The following IDUA variants were observed in gnomAD, a reference collection of about 807,000 sequenced individuals.
The protein encoded by IDUA is alpha-L-iduronidase.
Under a neutral mutation model 68.9 loss-of-function variants are expected in IDUA, and 65 were observed. That is an observed-to-expected ratio of 0.94 (90% confidence interval 0.77 to 1.16). The LOEUF is 1.16. IDUA is among the 50% of genes most tolerant of loss of function. The probability of loss-of-function intolerance (pLI) is 0.00; values close to 1 mark genes in which losing one functional copy is unlikely to be tolerated. For missense variants in IDUA, 1,046 were observed against 938.0 expected, an observed-to-expected ratio of 1.12 and a Z score of -1.50; for synonymous variants, 529 against 433.6, an observed-to-expected ratio of 1.22 and a Z score of -2.73.
At chr4:993,488 TG>T in intron 2 of IDUA, 1 of 152,274 alleles carries the variant, frequency 6.6e-6, no homozygotes, top group South Asian at 2.1e-4. Flanking sequence ...TGCTGAGTCA[TG>T]GGTTTCTCCA....
intron 1 of IDUA, chr4:987,575 T>C: frequency 7.3e-7 from 1 of 1,373,796 alleles, no homozygotes; most frequent in Non-Finnish European, 9.6e-7. Context: ...CCCGCCTTCC[T>C]GGCAGGGCCA....
chr4:998,233 G>A (rs1042287488), intron 2 of IDUA, among the ~76,000 whole-genome samples: 5 of 152,154 alleles, frequency 3.3e-5, no homozygotes, highest in Admixed American at 2.0e-4. Flanking sequence ...GAGGCGGGGC[G>A]GAGCAGGAGC....
intron 2 of IDUA, chr4:988,991 T>TGCAGCAGGCTA: frequency 4.4e-6 from 7 of 1,593,130 alleles, no homozygotes; most frequent in Non-Finnish European, 6.0e-6. Flanking sequence ...ACAGGCGGGC[T>TGCAGCAGGCTA]GCAGCAGGCT....
chr4:1,000,097 C>T (rs1180744313), intron 2 of IDUA: 2 of 180,860 alleles, frequency 1.1e-5, no homozygotes, highest in African/African-American at 2.4e-5. Context: ...CCCCTTCACC[C>T]TTGACGACGC....
At position 1,001,428 on chromosome 4, in the gene IDUA, G is replaced by A; in HGVS notation, c.494-40G>A. 3 of 1,559,512 alleles carry A rather than the reference G, an allele frequency of 1.9e-6. No individual in the cohort carries two copies. In the South Asian group the frequency reaches 3.3e-5, roughly 17 times the overall value. On this transcript the variant is annotated intron_variant, in intron 4 of 13. Coordinates refer to ENST00000514224, the MANE Select transcript of IDUA (RefSeq NM_000203.5). ...CCCTCCGTGGGAGTCACTGAGGCGA[G>A]ATTCACCTGTGCTGGGGGGACAGCA...
At position 1,003,198 on chromosome 4, in the gene IDUA, G is replaced by T. The variant is rs188458034; in HGVS notation, c.1524+41G>T. On this transcript the variant is annotated intron_variant, in intron 10 of 13. Coordinates refer to ENST00000514224, the MANE Select transcript of IDUA (RefSeq NM_000203.5). ...AGGGGCGAGGGGCCGGGCCGGGCCG[G>T]GGTCCCGGGGGGGTGGGGTCCGGGG... 173,826 of 1,300,228 alleles carry T rather than the reference G, an allele frequency of 0.13. 12,431 individuals are homozygous for T. Among genetic ancestry groups the T allele is most frequent in the South Asian group, 0.22 (9,426 of 43,662 alleles). 80.5% of individuals were successfully genotyped at this position (1,300,228 alleles called of 1,614,324 possible).
At chr4:997,157 C>G (rs1373837564) in intron 2 of IDUA, among the ~76,000 whole-genome samples, 1 of 152,190 alleles carries the variant, frequency 6.6e-6, no homozygotes, top group Non-Finnish European at 1.5e-5. Flanking sequence ...AGTTTATTCC[C>G]AGAGACCCTC....
chr4:990,852 G>A, intron 2 of IDUA: 2 of 477,688 alleles, frequency 4.2e-6, no homozygotes, highest in Non-Finnish European at 3.7e-6. Flanking sequence ...CAGCACCACT[G>A]AGCCACAGCC....
At chr4:996,764 G>T (rs1714763772) in intron 2 of IDUA, among the ~76,000 whole-genome samples, 2 of 152,172 alleles carry the variant, frequency 1.3e-5, no homozygotes, top group African/African-American at 4.8e-5. Flanking sequence ...GGCAGTGGCT[G>T]GTGCTGTCCT....
At position 991,673 on chromosome 4, in the gene IDUA, C is replaced by T. The variant is rs1431983363; in HGVS notation, c.299+3724C>T. ...CGTCGGACCGGCACCGGCCCTCTGCCCTGCTGCAGAGGCTCAGGGGACTCG... is the reference window on the plus strand; with the variant it reads ...CGTCGGACCGGCACCGGCCCTCTGCTCTGCTGCAGAGGCTCAGGGGACTCG... On this transcript the variant is annotated intron_variant, in intron 2 of 13. Coordinates refer to ENST00000514224, the MANE Select transcript of IDUA (RefSeq NM_000203.5). 3.3e-6 allele frequency: 5 copies of T among 1,535,660 alleles called. No homozygotes were observed. The highest frequency in any genetic ancestry group is 4.4e-6 in the Non-Finnish European group (5 of 1,147,512).
chr4:1,001,563 G>A lies in IDUA; in HGVS notation c.589G>A (p.Gly197Ser), dbSNP rs2153021926. The change falls in exon 5 of 14, where the codon GGC becomes AGC. Residue 197 changes from glycine (G) to serine (S), a missense_variant and splice_region_variant. Physicochemically the swap from Gly to Ser is moderately conservative, Grantham distance 56. Transcript: ENST00000514224. Reference sequence around the variant, plus strand: ...TGACAACGTCTCCATGACCATGCAAGGTGTGCACCGCTTCCTGGGGTCCTG... The same window carrying A: ...TGACAACGTCTCCATGACCATGCAAAGTGTGCACCGCTTCCTGGGGTCCTG... The part of the protein sequence containing the change: ...DFDNVSMTMQ[G>S]FLNYYDACSE... The A allele has an allele frequency of 1.2e-6, 2 of 1,613,050 alleles. No individual in the cohort carries two copies. Among genetic ancestry groups the A allele is most frequent in the East Asian group, 2.2e-5 (1 of 44,888 alleles).
chr4:989,502 G>A (rs749610435), intron 2 of IDUA: 17 of 1,553,232 alleles, frequency 1.1e-5, no homozygotes, highest in Non-Finnish European at 1.5e-5. Flanking sequence ...GCATACAGGT[G>A]GCCGCGGTGC....
At chr4:998,010 C>A (rs1057106158) in intron 2 of IDUA, among the ~76,000 whole-genome samples, 3 of 152,258 alleles carry the variant, frequency 2.0e-5, no homozygotes, top group Non-Finnish European at 4.4e-5. Context: ...GTCACCGTGC[C>A]CCGCTACTCC....
chr4:1,003,885 G>A (rs962593074), intron 12 of IDUA, 127 bp from the exon 13 acceptor site: 22 of 895,498 alleles, frequency 2.5e-5, no homozygotes, highest in Non-Finnish European at 4.0e-5. Context: ...GAGTGCCCAG[G>A]GGCTGGGGAG....
At position 1,002,002 on chromosome 4, in the gene IDUA, C is replaced by T. The variant is rs569215528; in HGVS notation, c.813C>T (p.Ser271=). ...CGCAGGGTGCGCGCAGCTCCATCTCCATCCTGGAGCAGGAGAAGGTCGTCG... is the reference window on the plus strand; with the variant it reads ...CGCAGGGTGCGCGCAGCTCCATCTCTATCCTGGAGCAGGAGAAGGTCGTCG... The part of the protein sequence containing the change: ...LHRKGARSSI[S]ILEQEKVVAQ... Residue 271 remains serine, a synonymous_variant, in exon 7 of 14, where the codon TCC becomes TCT. Transcript: ENST00000514224. 6.9e-6 allele frequency: 11 copies of T among 1,591,650 alleles called. No homozygotes were observed. The South Asian group carries it at 1.3e-4, about 18-fold the overall frequency.
rs147553032 is a variant in IDUA at position 991,550 on chromosome 4, C to G, written c.299+3601C>G. 33 of 1,605,456 alleles carry G rather than the reference C, an allele frequency of 2.1e-5. No individual in the cohort carries two copies. The African/African-American group carries it at 4.1e-4, about 20-fold the overall frequency. ...AGCCAGCGCGTGGCGGGGAGCAGGTCCTGCACCAGCGCCCGGACGCACAGC... is the reference window on the plus strand; with the variant it reads ...AGCCAGCGCGTGGCGGGGAGCAGGTGCTGCACCAGCGCCCGGACGCACAGC... On this transcript the variant is annotated intron_variant, in intron 2 of 13. Transcript: ENST00000514224.
In IDUA at chr4:1,001,764, C is replaced by T. The variant is rs767436466; in HGVS notation, c.675C>T (p.Phe225=). 6.2e-7 allele frequency: 1 copy of T among 1,600,162 alleles called. No homozygotes were observed. Among genetic ancestry groups the T allele is most frequent in the Admixed American group, 1.7e-5 (1 of 59,320 alleles). ...GGCTGGGAGGCCCCGGCGACTCCTTCCACACCCCACCGCGATCCCCGCTGA... is the reference window on the plus strand; with the variant it reads ...GGCTGGGAGGCCCCGGCGACTCCTTTCACACCCCACCGCGATCCCCGCTGA... The part of the protein sequence containing the change: ...ALRLGGPGDS[F]HTPPRSPLSW... Residue 225 remains phenylalanine, a synonymous_variant, in exon 6 of 14, where the codon TTC becomes TTT. Coordinates refer to ENST00000514224, the MANE Select transcript of IDUA (RefSeq NM_000203.5).
At chr4:994,221 C>T (rs1357883139) in intron 2 of IDUA, among the ~76,000 whole-genome samples, 4 of 152,256 alleles carry the variant, frequency 2.6e-5, no homozygotes, top group Admixed American at 2.6e-4. Flanking sequence ...AGGAGGATCG[C>T]TTAAGGCCAG....
At chr4:998,287 T>A (rs752870792) in intron 2 of IDUA, among the ~76,000 whole-genome samples, 1 of 152,150 alleles carries the variant, frequency 6.6e-6, no homozygotes, top group African/African-American at 2.4e-5. Context: ...TCTGCCTTGA[T>A]CTTGTACACC....
Sources: allele counts gnomAD v4.1 joint callset (sites outside exome capture counted in the v4.1 genomes callset), GRCh38; gene constraint gnomAD v4.1.1; transcripts MANE v1.5; gene names NCBI Gene and HGNC (gene_info 2026-07-23, HGNC 2026-07-21).